RAD54L2: variants seen among roughly 807,000 people sequenced by gnomAD.
RAD54L2 encodes helicase ARIP4.
Under a neutral mutation model 138.4 loss-of-function variants are expected in RAD54L2, and 27 were observed. The ratio of observed to expected loss-of-function variants is 0.20; its 90% CI spans 0.14 to 0.27. RAD54L2 has a LOEUF of 0.27. RAD54L2 is among the 10% of genes least tolerant of loss of function. RAD54L2 has a pLI of 1.00. For missense variants in RAD54L2, 1,396 were observed against 1,890.2 expected, an observed-to-expected ratio of 0.74 and a Z score of 4.85; for synonymous variants, 644 against 723.2, an observed-to-expected ratio of 0.89 and a Z score of 1.76.
At chr3:51,631,870 G>A (rs1476919323) in intron 7 of RAD54L2, among the ~76,000 whole-genome samples, 1 of 152,172 alleles carries the variant, frequency 6.6e-6, no homozygotes, top group Non-Finnish European at 1.5e-5. Context: ...CTGAGCTCAA[G>A]CAGTCCTCCT....
intron 19 of RAD54L2, among the ~76,000 whole-genome samples, chr3:51,651,310 A>G (rs1457457450): frequency 6.6e-6 from 1 of 152,188 alleles, no homozygotes; most frequent in Non-Finnish European, 1.5e-5. Context: ...TGCCAACCAA[A>G]AAAAGTCCAG....
intron 2 of RAD54L2, among the ~76,000 whole-genome samples, chr3:51,581,844 C>T (rs948088366): frequency 3.9e-5 from 6 of 152,014 alleles, no homozygotes; most frequent in Non-Finnish European, 8.8e-5. Context: ...TCAGGGCTGA[C>T]TTAGGCTTAG....
At chr3:51,587,410 G>A (rs1161934057) in intron 2 of RAD54L2, among the ~76,000 whole-genome samples, 1 of 152,200 alleles carries the variant, frequency 6.6e-6, no homozygotes, top group South Asian at 2.1e-4. Flanking sequence ...CCGGATAGTC[G>A]TTTCTGCAGA....
chr3:51,544,786 G>C (rs34232618), intron 2 of RAD54L2, among the ~76,000 whole-genome samples: 857 of 152,186 alleles, frequency 5.6e-3, no homozygotes, highest in Middle Eastern at 0.01. Context: ...TGTATTTTTA[G>C]TACAAAATTT....
chr3:51,588,185 C>CAAAAAA (rs987919898), intron 2 of RAD54L2, among the ~76,000 whole-genome samples: 3 of 12,726 alleles, frequency 2.4e-4, no homozygotes, highest in East Asian at 2.4e-3. Context: ...GACTCCATCT[C>CAAAAAA]AAAAAAAAAA....
intron 19 of RAD54L2, among the ~76,000 whole-genome samples, chr3:51,655,501 G>C (rs983148054): frequency 1.3e-5 from 2 of 152,188 alleles, no homozygotes; most frequent in Non-Finnish European, 2.9e-5. Context: ...AGTTGGAACA[G>C]ACTATTTTTT....
chr3:51,639,543 C>A lies in RAD54L2; in HGVS notation c.1985C>A (p.Thr662Lys). The A allele has an allele frequency of 6.2e-7, 1 of 1,613,998 alleles. No homozygotes were observed. Among genetic ancestry groups the A allele is most frequent in the South Asian group, 1.1e-5 (1 of 91,088 alleles). ...GTSARCPPQG[T>K]KGKGEDSTLA... ...AGTGCCCGCTGTCCACCACAGGGAA[C>A]AAAAGGCAAGGGAGAGGATAGCACC... Residue 662 changes from threonine to lysine, a missense_variant, in exon 13 of 23, where the codon ACA (threonine) becomes AAA (lysine). Around this residue, in one of 7 missense-constraint regions of RAD54L2, gnomAD observed 211 missense variants for 273.8 expected, o/e 0.77. Transcript: ENST00000684192.
Position 51,627,613 on chromosome 3 carries a change from A to AGCC in RAD54L2, c.206_208dup (p.Pro69dup). 6.4e-7 allele frequency: 1 copy of AGCC among 1,565,026 alleles called. No individual in the cohort carries two copies. The highest frequency in any genetic ancestry group is 8.7e-7 in the Non-Finnish European group (1 of 1,155,582). ...GCCCAGTTGGGAGAAGATGGGCAGC[A>AGCC]GCCGCCGCGGTGCACTTCAACTACC... is the stretch of plus-strand genomic sequence containing the variant. On this transcript the variant is annotated inframe_insertion, in exon 4 of 23. Coordinates refer to ENST00000684192, the MANE Select transcript of RAD54L2 (RefSeq NM_015106.4).
intron 4 of RAD54L2, among the ~76,000 whole-genome samples, chr3:51,628,448 T>C (rs535294490): frequency 4.6e-5 from 7 of 152,284 alleles, no homozygotes; most frequent in Admixed American, 2.0e-4. Flanking sequence ...TGGAGTGCAG[T>C]GGCGTGATCT....
chr3:51,558,143 G>T (rs1699016213), intron 2 of RAD54L2, among the ~76,000 whole-genome samples: 1 of 151,936 alleles, frequency 6.6e-6, no homozygotes, highest in African/African-American at 2.4e-5. Context: ...ACCGCCCCTG[G>T]CCGATTTGTT....
intron 3 of RAD54L2, among the ~76,000 whole-genome samples, chr3:51,627,047 T>C (rs1405798681): frequency 6.6e-6 from 1 of 152,194 alleles, no homozygotes; most frequent in East Asian, 1.9e-4. Flanking sequence ...GGAAGGAATC[T>C]TACAAATATC....
At chr3:51,550,544 C>T (rs963853026) in intron 2 of RAD54L2, among the ~76,000 whole-genome samples, 41 of 152,194 alleles carry the variant, frequency 2.7e-4, no homozygotes, top group African/African-American at 9.9e-4. Flanking sequence ...AGGTGGATTG[C>T]TTAAGTCCGG....
At chr3:51,580,806 C>T (rs1195765412) in intron 2 of RAD54L2, among the ~76,000 whole-genome samples, 1 of 152,136 alleles carries the variant, frequency 6.6e-6, no homozygotes, top group Non-Finnish European at 1.5e-5. Context: ...AGAGTTTACT[C>T]CTGTCTTGAA....
At chr3:51,601,258 C>T (rs988654999) in intron 3 of RAD54L2, among the ~76,000 whole-genome samples, 20 of 151,228 alleles carry the variant, frequency 1.3e-4, no homozygotes, top group Non-Finnish European at 2.4e-4. Flanking sequence ...GTGATCCACC[C>T]GCCTCAGCCT....
At chr3:51,641,149 C>G (rs550891758) in intron 14 of RAD54L2, among the ~76,000 whole-genome samples, 8 of 151,994 alleles carry the variant, frequency 5.3e-5, no homozygotes, top group African/African-American at 1.7e-4. Flanking sequence ...ACCACAGGCA[C>G]GTGCCACCAT....
chr3:51,548,117 C>G (rs1698746519), intron 2 of RAD54L2, among the ~76,000 whole-genome samples: 1 of 151,784 alleles, frequency 6.6e-6, no homozygotes, highest in South Asian at 2.1e-4. Flanking sequence ...TGGTCTTGAA[C>G]TCCTGACCTC....
chr3:51,660,216 C>G (rs1414586604), intron 22 of RAD54L2, 98 bp downstream of exon 22: 2 of 867,534 alleles, frequency 2.3e-6, no homozygotes, highest in Non-Finnish European at 3.6e-6. Context: ...ATAATATGTA[C>G]ATGGTTCACA....
intron 2 of RAD54L2, among the ~76,000 whole-genome samples, chr3:51,543,800 C>T (rs1698619364): frequency 6.6e-6 from 1 of 151,968 alleles, no homozygotes; most frequent in African/African-American, 2.4e-5. Flanking sequence ...CTTGAAGGTC[C>T]CAGCATTCTT....
rs187508643 is a variant in RAD54L2 at position 51,637,140 on chromosome 3, C to T, written c.1340-21C>T. The T allele has an allele frequency of 1.2e-4, 187 of 1,557,144 alleles. No homozygotes were observed. The highest frequency in any genetic ancestry group is 5.8e-4 in the Admixed American group (30 of 51,920). On this transcript the variant is annotated intron_variant, in intron 10 of 22. Transcript: ENST00000684192. The surrounding 1 kb of genome is among the most constrained non-coding windows in gnomAD (Gnocchi z 5.9). ...AGCAGGCCCTGTCACCCTCTGACTC[C>T]GGATCCTCTTCCCTCCCTAGAGTTT... is the stretch of plus-strand genomic sequence containing the variant.
Sources: gnomAD v4.1 joint callset for allele counts (sites outside exome capture counted in the v4.1 genomes callset) on GRCh38, gnomAD v4.1.1 for gene constraint, gnomAD v4.1.1 regional missense constraint, Gnocchi (gnomAD v3.1) non-coding constraint, MANE v1.5 for transcripts, NCBI Gene and HGNC (gene_info 2026-07-23, HGNC 2026-07-21) for gene names.